PCDH15: variants seen among roughly 807,000 people sequenced by gnomAD.
PCDH15 encodes the protein protocadherin-15.
Under a neutral mutation model 178.5 loss-of-function variants are expected in PCDH15, and 129 were observed. The observed-to-expected ratio is 0.72, with a 90% CI of 0.63 to 0.84. The LOEUF (loss-of-function observed/expected upper bound fraction) is 0.84. Ranked by LOEUF, PCDH15 falls within the 40% of genes least tolerant of loss-of-function variation. The pLI, the probability that PCDH15 is intolerant of heterozygous loss-of-function variation, is 0.00. For missense variants in PCDH15, 2,230 were observed against 2,099.9 expected, an observed-to-expected ratio of 1.06 and a Z score of -1.21; for synonymous variants, 800 against 732.0, an observed-to-expected ratio of 1.09 and a Z score of -1.50.
intron 3 of PCDH15, among the ~76,000 whole-genome samples, chr10:54,425,797 TAACTC>T (rs1956205654): frequency 6.6e-6 from 1 of 152,162 alleles, no homozygotes. Flanking sequence ...AATGGATACT[TAACTC>T]AAGGATAAGC....
chr10:54,140,700 C>A (rs2133171852), intron 14 of PCDH15, among the ~76,000 whole-genome samples: 1 of 151,402 alleles, frequency 6.6e-6, no homozygotes, highest in East Asian at 2.0e-4. Flanking sequence ...ATCTCCTGAC[C>A]TCGTGATCCA....
intron 2 of PCDH15, among the ~76,000 whole-genome samples, chr10:55,625,777 ACT>A (rs1377905654): frequency 6.6e-6 from 1 of 151,666 alleles, no homozygotes; most frequent in African/African-American, 2.4e-5. Context: ...CTACACACAC[ACT>A]CTCTCTCATA....
intron 2 of PCDH15, among the ~76,000 whole-genome samples, chr10:54,603,536 C>G (rs551530624): frequency 1.3e-5 from 2 of 150,226 alleles, no homozygotes; most frequent in East Asian, 3.9e-4. Flanking sequence ...TATTAACAAA[C>G]AGAAGCCATG....
intron 3 of PCDH15, among the ~76,000 whole-genome samples, chr10:54,884,033 T>C (rs527620611): frequency 1.3e-5 from 2 of 152,142 alleles, no homozygotes; most frequent in African/African-American, 4.8e-5. Context: ...AGTTAACTCA[T>C]TATGTGGACT....
intron 1 of PCDH15, among the ~76,000 whole-genome samples, chr10:54,728,965 C>T (rs963260874): frequency 1.3e-5 from 2 of 151,204 alleles, no homozygotes; most frequent in Non-Finnish European, 3.0e-5. Flanking sequence ...TCATGGATAA[C>T]AAGAATCATT....
intron 13 of PCDH15, among the ~76,000 whole-genome samples, chr10:54,154,439 T>C (rs2044875612): frequency 6.6e-6 from 1 of 152,158 alleles, no homozygotes; most frequent in Non-Finnish European, 1.5e-5. Context: ...CTTCTAAAAA[T>C]AGTAGTTTTT....
chr10:54,834,422 G>C (rs925251947), intron 3 of PCDH15, among the ~76,000 whole-genome samples: 4 of 151,652 alleles, frequency 2.6e-5, no homozygotes, highest in African/African-American at 9.7e-5. Context: ...CAGGTGATTC[G>C]CCCGCCTCAG....
chr10:54,504,638 C>A (rs1172544716), intron 3 of PCDH15, among the ~76,000 whole-genome samples: 1 of 152,096 alleles, frequency 6.6e-6, no homozygotes, highest in Non-Finnish European at 1.5e-5. Context: ...TTTACACTGA[C>A]CCTAAGAGTA....
At chr10:54,309,235 T>A (rs2060743253) in intron 8 of PCDH15, among the ~76,000 whole-genome samples, 1 of 151,896 alleles carries the variant, frequency 6.6e-6, no homozygotes, top group Non-Finnish European at 1.5e-5. Context: ...GATTACTTGA[T>A]CTAGACTGTA....
chr10:55,026,670 A>G (rs1429965746), intron 2 of PCDH15, among the ~76,000 whole-genome samples: 1 of 151,988 alleles, frequency 6.6e-6, no homozygotes, highest in East Asian at 1.9e-4. Context: ...TCACTTAGGT[A>G]GTCATGGCTT....
Position 54,283,211 on chromosome 10 carries a change from C to T in PCDH15, c.876+34060G>A, listed in dbSNP as rs184180515. On this transcript the variant is annotated intron_variant, in intron 8 of 37. Coordinates refer to ENST00000644397, the MANE Select transcript of PCDH15 (RefSeq NM_001384140.1). ...GATATTTTAGCAAAGCTGGACTCTGCAGTATCCTTTTTTGTTTGAAGAGGA... is the reference window on the plus strand; with the variant it reads ...GATATTTTAGCAAAGCTGGACTCTGTAGTATCCTTTTTTGTTTGAAGAGGA... Among the ~76,000 whole-genome samples the T allele has an allele frequency of 5.4e-4, 82 of 152,240 alleles. 1 individual carries two copies. The highest frequency in any genetic ancestry group is 1.9e-3 in the African/African-American group (77 of 41,560).
intron 10 of PCDH15, among the ~76,000 whole-genome samples, chr10:54,205,087 T>G (rs897895798): frequency 2.6e-5 from 4 of 152,142 alleles, no homozygotes; most frequent in Non-Finnish European, 5.9e-5. Context: ...GAAAATCACA[T>G]GTAAATCTTG....
intron 2 of PCDH15, among the ~76,000 whole-genome samples, chr10:55,018,846 A>G (rs1343260067): frequency 6.6e-6 from 1 of 152,114 alleles, no homozygotes; most frequent in Non-Finnish European, 1.5e-5. Flanking sequence ...TAGCACACTG[A>G]TAAAATATAT....
chr10:55,548,492 G>A lies in PCDH15; in HGVS notation c.-156+79133C>T, dbSNP rs117392031. The stretch of plus-strand genomic sequence containing the variant: ...CTGAGTCTGAAATGTAAATCTGAAA[G>A]GTCACTCTCTAGATAATCCACAAAT... On this transcript the variant is annotated intron_variant, in intron 2 of 5. Coordinates refer to the PCDH15 transcript ENST00000613346. Among the ~76,000 whole-genome samples, 76 of 152,184 alleles carry A rather than the reference G, an allele frequency of 5.0e-4. 1 individual carries two copies. In the East Asian group the frequency reaches 0.014, roughly 29 times the overall value.
chr10:53,853,481 C>A (rs77199080), intron 28 of PCDH15, among the ~76,000 whole-genome samples: 3,773 of 152,138 alleles, frequency 0.025, 59 homozygotes, highest in Non-Finnish European at 0.038. Context: ...GGTGAAAAGG[C>A]AACCTATGGA....
At chr10:54,288,834 C>T (rs1369999124) in intron 8 of PCDH15, among the ~76,000 whole-genome samples, 1 of 152,192 alleles carries the variant, frequency 6.6e-6, no homozygotes, top group Non-Finnish European at 1.5e-5. Flanking sequence ...ATTGCTGAGG[C>T]TTGAGTAGGT....
intron 20 of PCDH15, among the ~76,000 whole-genome samples, chr10:54,006,520 T>C (rs914889015): frequency 5.3e-5 from 8 of 152,178 alleles, no homozygotes; most frequent in African/African-American, 1.4e-4. Context: ...TCTGTTTTGT[T>C]TGAGTCTGGG....
chr10:54,388,282 T>C lies in PCDH15; in HGVS notation c.158-9340A>G, dbSNP rs1387528929. Among the ~76,000 whole-genome samples the C allele has an allele frequency of 3.9e-5, 6 of 152,272 alleles. No individual in the cohort carries two copies. In the East Asian group the frequency reaches 1.2e-3, roughly 29 times the overall value. ...CTGAGCTTCCAATTAGTCAGAACAATAGTTGAGTTTCGTTGTCAAAGCGTT... is the reference window on the plus strand; with the variant it reads ...CTGAGCTTCCAATTAGTCAGAACAACAGTTGAGTTTCGTTGTCAAAGCGTT... On this transcript the variant is annotated intron_variant, in intron 3 of 37. Transcript: ENST00000644397.
intron 18 of PCDH15, among the ~76,000 whole-genome samples, chr10:54,027,771 A>C (rs2093154892): frequency 6.9e-6 from 1 of 143,966 alleles, no homozygotes; most frequent in African/African-American, 2.7e-5. Flanking sequence ...CCTTCCTTAC[A>C]CCTTATACAA....
Sources: gnomAD v4.1 joint callset for allele counts (sites outside exome capture counted in the v4.1 genomes callset) on GRCh38, gnomAD v4.1.1 for gene constraint, MANE v1.5 for transcripts, NCBI Gene and HGNC (gene_info 2026-07-23, HGNC 2026-07-21) for gene names.